Variants in CPNE9 observed in about 807,000 individuals in gnomAD.
The protein encoded by CPNE9 is copine-9.
CPNE9 carries 59 observed loss-of-function variants against 83.0 expected under a neutral mutation model. That is an observed-to-expected ratio of 0.71 (90% CI 0.58 to 0.88). The LOEUF is 0.88. CPNE9 is among the 40% of genes least tolerant of loss of function. The pLI is 0.00. For synonymous variants in CPNE9, 256 were observed against 273.4 expected (o/e 0.94, Z 0.63); for missense variants, 619 against 720.8 (o/e 0.86, Z 1.62).
intron 13 of CPNE9, 73 bp downstream of exon 13, chr3:9,715,599 T>C (rs555433942): frequency 2.7e-5 from 36 of 1,310,858 alleles, no homozygotes; most frequent in Non-Finnish European, 3.9e-5. Context: ...GCATGGCAAA[T>C]ATCGAGGGCA....
intron 7 of CPNE9, among the ~76,000 whole-genome samples, chr3:9,708,303 G>A (rs1289373870): frequency 6.6e-6 from 1 of 152,182 alleles, no homozygotes; most frequent in Non-Finnish European, 1.5e-5. Context: ...CAAAGGAGGG[G>A]AGGAAGGACG....
At chr3:9,725,270 C>T (rs1345697817) in intron 17 of CPNE9, among the ~76,000 whole-genome samples, 1 of 152,110 alleles carries the variant, frequency 6.6e-6, no homozygotes, top group East Asian at 1.9e-4. Context: ...CACGGTGGCT[C>T]ATGCCTGTGC....
At chr3:9,725,714 A>ATATGTGTATATG (rs2076778273) in intron 17 of CPNE9, among the ~76,000 whole-genome samples, 1 of 148,278 alleles carries the variant, frequency 6.7e-6, no homozygotes, top group Non-Finnish European at 1.5e-5. Context: ...ATGTGTATAT[A>ATATGTGTATATG]TGTGTATATG....
chr3:9,704,200 G>A lies in CPNE9; in HGVS notation c.68+136G>A, dbSNP rs1575112485. On this transcript the variant is annotated intron_variant, in intron 1 of 20. Coordinates refer to ENST00000383832, the MANE Select transcript of CPNE9 (RefSeq NM_153635.3). The surrounding 1 kb of genome is among the most constrained non-coding windows in gnomAD (Gnocchi z 7.1). ...CTGGAAAATCACAGCTGATGACAGG[G>A]CGAGTAGCTGGTGGGATCGAGAAGC... The A allele has an allele frequency of 1.1e-5, 9 of 822,554 alleles. No homozygotes were observed. In the East Asian group the frequency reaches 2.4e-4, roughly 22 times the overall value. 51.0% of individuals were successfully genotyped at this position (822,554 alleles called of 1,614,324 possible).
chr3:9,705,092 C>A, intron 4 of CPNE9, 98 bp downstream of exon 4: 1 of 879,078 alleles, frequency 1.1e-6, no homozygotes, highest in Non-Finnish European at 1.9e-6. Context: ...CGGCCTGGTT[C>A]TTCTCGCAGG....
intron 17 of CPNE9, among the ~76,000 whole-genome samples, chr3:9,720,450 T>C (rs1254495172): frequency 6.6e-6 from 1 of 152,084 alleles, no homozygotes; most frequent in East Asian, 1.9e-4. Flanking sequence ...ATGTGACACA[T>C]GGGGGTTTGT....
At chr3:9,721,783 A>G (rs936006960) in intron 17 of CPNE9, among the ~76,000 whole-genome samples, 10 of 152,322 alleles carry the variant, frequency 6.6e-5, no homozygotes, top group African/African-American at 2.4e-4. Context: ...AGAGAGTGAG[A>G]GAATCAAGAG....
chr3:9,711,048 G>A (rs1251733976), intron 7 of CPNE9, among the ~76,000 whole-genome samples: 1 of 151,536 alleles, frequency 6.6e-6, no homozygotes, highest in Non-Finnish European at 1.5e-5. Flanking sequence ...TGAGAGAAGG[G>A]AAAAAAGAGA....
chr3:9,704,984 C>A lies in CPNE9; in HGVS notation c.250C>A (p.Arg84Ser). The change falls in exon 4 of 21, where the codon CGC (arginine) becomes AGC (serine). Residue 84 changes from arginine (R) to serine (S), a missense_variant. Arg to Ser is a moderately radical substitution (Grantham distance 110). Coordinates refer to ENST00000383832, the MANE Select transcript of CPNE9 (RefSeq NM_153635.3). This position sits in a 1 kb window ranked among gnomAD's most constrained non-coding sequence, Gnocchi z 7.1. Reference sequence around the variant, plus strand: ...TTTCTTTGAGGAAAAGCAAAATCTGCGCTTCGATGTGTGAGGCCCCGCCTG... The same window carrying A: ...TTTCTTTGAGGAAAAGCAAAATCTGAGCTTCGATGTGTGAGGCCCCGCCTG... Reference protein sequence around the residue: ...DYFFEEKQNLRFDVYNVDSKT... With the variant: ...DYFFEEKQNLSFDVYNVDSKT... 6.2e-7 allele frequency: 1 copy of A among 1,609,940 alleles called. No homozygotes were observed. Among genetic ancestry groups the A allele is most frequent in the Non-Finnish European group, 8.5e-7 (1 of 1,178,140 alleles).
intron 17 of CPNE9, among the ~76,000 whole-genome samples, chr3:9,721,230 A>G (rs1265291285): frequency 6.6e-6 from 1 of 152,172 alleles, no homozygotes; most frequent in Middle Eastern, 3.2e-3. Flanking sequence ...TGTAGACCAG[A>G]GCTTCCCAGA....
In CPNE9 at chr3:9,704,553, T is replaced by C; in HGVS notation, c.69-34T>C. ...GACTCGAGGCGGGCGGACTCCAGGA[T>C]GATCCACTCTGTCTGTCTGTTGCTT... On this transcript the variant is annotated intron_variant, in intron 1 of 20. Coordinates refer to ENST00000383832, the MANE Select transcript of CPNE9 (RefSeq NM_153635.3). This position sits in a 1 kb window ranked among gnomAD's most constrained non-coding sequence, Gnocchi z 7.1. The C allele has an allele frequency of 6.3e-7, 1 of 1,595,198 alleles. No individual in the cohort carries two copies. Among genetic ancestry groups the C allele is most frequent in the Non-Finnish European group, 8.6e-7 (1 of 1,163,516 alleles).
chr3:9,712,891 T>A, intron 9 of CPNE9, 63 bp downstream of exon 9: 1 of 1,569,762 alleles, frequency 6.4e-7, no homozygotes, highest in South Asian at 1.1e-5. Context: ...AGTGGGGGAA[T>A]CTCAGGAATC....
In CPNE9 at chr3:9,722,861, A is replaced by G. The variant is rs958961604; in HGVS notation, c.1242-3088A>G. On this transcript the variant is annotated intron_variant, in intron 17 of 20. Coordinates refer to ENST00000383832, the MANE Select transcript of CPNE9 (RefSeq NM_153635.3). ...TAACTCCTCGTGGTTTGCACTTGCC[A>G]TTCTCTTTCTCTGGAACACTTTTCC... 2.6e-5 allele frequency among the ~76,000 whole-genome samples: 4 copies of G among 151,990 alleles called. No homozygotes were observed. In the East Asian group the frequency reaches 7.7e-4, roughly 29 times the overall value.
intron 17 of CPNE9, among the ~76,000 whole-genome samples, chr3:9,724,719 C>CCTAT (rs56320778): frequency 0.011 from 1,578 of 146,918 alleles, 8 homozygotes; most frequent in East Asian, 0.029. Context: ...ACATCAGGAT[C>CCTAT]CTATCTATCT....
Position 9,726,702 on chromosome 3 carries a change from T to C in CPNE9, c.1382T>C (p.Val461Ala). The change falls in exon 19 of 21, where the codon GTA (valine) becomes GCA (alanine). Residue 461 changes from valine to alanine, a missense_variant. Val to Ala is a moderately conservative substitution (Grantham distance 64, BLOSUM62 0). Around this residue, in one of 3 missense-constraint regions of CPNE9, gnomAD observed 438 missense variants for 562.9 expected, o/e 0.78. Transcript: ENST00000383832. Reference protein sequence around the residue: ...SLPMSIIIVGVGPAMFEAMEE... With the variant: ...SLPMSIIIVGAGPAMFEAMEE... ...CCCATGTCTATCATTATCGTCGGTG[T>C]AGGACCAGCCATGTTTGAGGGTGAG... The C allele has an allele frequency of 1.2e-6, 2 of 1,613,960 alleles. No homozygotes were observed. The highest frequency in any genetic ancestry group is 1.7e-6 in the Non-Finnish European group (2 of 1,179,928).
chr3:9,705,790 T>C, intron 6 of CPNE9, 70 bp downstream of exon 6: 1 of 1,537,372 alleles, frequency 6.5e-7, no homozygotes, highest in Non-Finnish European at 9.0e-7. Context: ...CTTGGACTGA[T>C]GACCCACTAC....
At position 9,726,058 on chromosome 3, in the gene CPNE9, C is replaced by A. The variant is rs555885422; in HGVS notation, c.1344+7C>A. The A allele has an allele frequency of 6.3e-6, 10 of 1,575,100 alleles. No homozygotes were observed. The highest frequency in any genetic ancestry group is 8.7e-6 in the Non-Finnish European group (10 of 1,154,582). ...CAAGGAGGCCATCGTCAGCGTGAGT[C>A]TGAGGAGGAGGGCTTGGCAGGGAGG... On this transcript the variant is annotated splice_region_variant and intron_variant, in intron 18 of 20. Coordinates refer to ENST00000383832, the MANE Select transcript of CPNE9 (RefSeq NM_153635.3).
At chr3:9,715,207 G>A in intron 11 of CPNE9, 82 bp from the exon 12 acceptor site, 3 of 1,466,138 alleles carry the variant, frequency 2.0e-6, no homozygotes, top group African/African-American at 1.4e-5. Flanking sequence ...AGGGGCTTAG[G>A]ATAGGAGGAA....
At chr3:9,712,469 AC>A (rs2076639283) in intron 7 of CPNE9, 71 bp from the exon 8 acceptor site, 5 of 1,248,374 alleles carry the variant, frequency 4.0e-6, no homozygotes, top group Non-Finnish European at 4.7e-6. Context: ...GGCCCACCTA[AC>A]CCCAGACTGG....
Sources: allele counts gnomAD v4.1 joint callset (sites outside exome capture counted in the v4.1 genomes callset), GRCh38; gene constraint gnomAD v4.1.1; regional missense constraint gnomAD v4.1.1; non-coding constraint Gnocchi (gnomAD v3.1); transcripts MANE v1.5; gene names NCBI Gene and HGNC (gene_info 2026-07-23, HGNC 2026-07-21).